TMEM63C: variants seen among roughly 807,000 people sequenced by gnomAD.
TMEM63C encodes the protein transmembrane protein 63C, also known as osmosensitive cation channel TMEM63C.
TMEM63C carries 32 observed loss-of-function variants against 99.2 expected under a neutral mutation model. That is an observed-to-expected ratio of 0.32 (90% confidence interval 0.24 to 0.43). TMEM63C has a LOEUF of 0.43. TMEM63C is among the 20% of genes least tolerant of loss of function. The pLI, the probability that TMEM63C is intolerant of heterozygous loss-of-function variation, is 1.00. For synonymous variants in TMEM63C, 376 were observed against 397.9 expected (o/e 0.94, Z 0.66); for missense variants, 826 against 1,053.0 (o/e 0.78, Z 2.98).
At chr14:77,239,791 T>C in intron 12 of TMEM63C, 65 bp downstream of exon 12, 1 of 1,580,620 alleles carries the variant, frequency 6.3e-7, no homozygotes, top group South Asian at 1.1e-5. Flanking sequence ...CTAGGCTCTG[T>C]GCCTTTGCCC....
chr14:77,235,153 C>T (rs184967649), intron 8 of TMEM63C, among the ~76,000 whole-genome samples: 6 of 152,088 alleles, frequency 3.9e-5, no homozygotes, highest in Non-Finnish European at 7.4e-5. Flanking sequence ...ACTCAATAAA[C>T]GTTCCCCCCA....
intron 6 of TMEM63C, among the ~76,000 whole-genome samples, chr14:77,230,931 G>A (rs1888927936): frequency 1.3e-5 from 2 of 152,154 alleles, no homozygotes; most frequent in South Asian, 4.1e-4. Flanking sequence ...TTTTATACAT[G>A]TCTCTAGGTA....
intron 21 of TMEM63C, 59 bp downstream of exon 21, chr14:77,249,517 C>T: frequency 6.4e-7 from 1 of 1,572,434 alleles, no homozygotes; most frequent in Non-Finnish European, 8.7e-7. Context: ...TCTGTGAGTC[C>T]CTTAACACTG....
chr14:77,239,750 C>A, intron 12 of TMEM63C, 24 bp downstream of exon 12: 1 of 1,610,994 alleles, frequency 6.2e-7, no homozygotes, highest in Non-Finnish European at 8.5e-7. Flanking sequence ...GCGTTGGGAG[C>A]ACAGCAAGGG....
intron 1 of TMEM63C, among the ~76,000 whole-genome samples, chr14:77,207,499 C>G (rs1888421855): frequency 6.6e-6 from 1 of 152,234 alleles, no homozygotes; most frequent in Non-Finnish European, 1.5e-5. Context: ...TGGAATTGGG[C>G]AAAGCTGCTC....
chr14:77,205,201 A>G (rs753926178), intron 1 of TMEM63C, among the ~76,000 whole-genome samples: 1 of 152,218 alleles, frequency 6.6e-6, no homozygotes, highest in Admixed American at 6.5e-5. Flanking sequence ...GAAGTTTGAC[A>G]TGATGAAGCC....
intron 21 of TMEM63C, among the ~76,000 whole-genome samples, 151 bp downstream of exon 21, chr14:77,249,609 A>G (rs888071805): frequency 1.3e-5 from 2 of 152,216 alleles, no homozygotes; most frequent in Non-Finnish European, 2.9e-5. Context: ...CTCTGGGCCT[A>G]AAGGGCCTAC....
intron 15 of TMEM63C, among the ~76,000 whole-genome samples, chr14:77,243,451 G>A (rs1467757756): frequency 6.6e-6 from 1 of 152,170 alleles, no homozygotes; most frequent in Non-Finnish European, 1.5e-5. Flanking sequence ...GAGGCAGCAG[G>A]CTCCTGGTTT....
At chr14:77,243,290 G>A (rs1889213227) in intron 15 of TMEM63C, among the ~76,000 whole-genome samples, 1 of 152,184 alleles carries the variant, frequency 6.6e-6, no homozygotes. Flanking sequence ...GGGAGAGTGG[G>A]GAGTCCACAG....
chr14:77,201,606 G>A (rs1888300924), intron 1 of TMEM63C, among the ~76,000 whole-genome samples: 1 of 152,234 alleles, frequency 6.6e-6, no homozygotes, highest in African/African-American at 2.4e-5. Flanking sequence ...GAGATTCTCA[G>A]GCGCTACCCA....
chr14:77,244,307 G>C lies in TMEM63C; in HGVS notation c.1342-42G>C, dbSNP rs1282432752. The C allele has an allele frequency of 4.2e-6, 6 of 1,425,256 alleles. 1 individual carries two copies. The South Asian group carries it at 7.0e-5, about 17-fold the overall frequency. 88.3% of individuals were successfully genotyped at this position (1,425,256 alleles called of 1,614,324 possible). ...AAGAAGCAAGGGGAAGAGGATGCTTGCATTGACGTCTCTCCTGCCGTCCTC... is the reference window on the plus strand; with the variant it reads ...AAGAAGCAAGGGGAAGAGGATGCTTCCATTGACGTCTCTCCTGCCGTCCTC... On this transcript the variant is annotated intron_variant, in intron 15 of 23. Coordinates refer to ENST00000298351, the MANE Select transcript of TMEM63C (RefSeq NM_020431.4).
In TMEM63C at chr14:77,217,890, C is replaced by T. The variant is rs527445936; in HGVS notation, c.-13-911C>T. On this transcript the variant is annotated intron_variant, in intron 2 of 23. Coordinates refer to ENST00000298351, the MANE Select transcript of TMEM63C (RefSeq NM_020431.4). ...ATTTGTGGGGGCAAAAAAATTAAAACAATTGAACTCATGGAGATAGAGAGT... is the reference window on the plus strand; with the variant it reads ...ATTTGTGGGGGCAAAAAAATTAAAATAATTGAACTCATGGAGATAGAGAGT... Among the ~76,000 whole-genome samples, 62 of 152,182 alleles carry T rather than the reference C, an allele frequency of 4.1e-4. No homozygotes were observed. In the Middle Eastern group the frequency reaches 0.01, roughly 25 times the overall value.
chr14:77,237,140 G>A (rs1366486789), intron 9 of TMEM63C, among the ~76,000 whole-genome samples: 9 of 151,824 alleles, frequency 5.9e-5, no homozygotes, highest in Middle Eastern at 3.4e-3. Flanking sequence ...CTGCTGCCCC[G>A]CCCCTCCCCA....
chr14:77,184,847 GAAGTATGGT>G (rs2140085431), intron 1 of TMEM63C, among the ~76,000 whole-genome samples: 1 of 152,302 alleles, frequency 6.6e-6, no homozygotes, highest in Non-Finnish European at 1.5e-5. Flanking sequence ...GGCAGCTCAC[GAAGTATGGT>G]GTGTCCTTGC....
intron 16 of TMEM63C, 87 bp downstream of exon 16, chr14:77,244,542 C>G (rs1254589537): frequency 9.7e-7 from 1 of 1,027,672 alleles, no homozygotes; most frequent in Non-Finnish European, 1.5e-6. Context: ...GCACTTGGGC[C>G]TCCCCTCTAG....
Position 77,249,284 on chromosome 14 carries a change from C to T in TMEM63C, c.1871-7C>T. 6.2e-7 allele frequency: 1 copy of T among 1,613,526 alleles called. No homozygotes were observed. Among genetic ancestry groups the T allele is most frequent in the Non-Finnish European group, 8.5e-7 (1 of 1,179,582 alleles). Reference sequence around the variant, plus strand: ...CCACTGAGTAAGTTTCCACCTTTGTCCCCCAGGGTTGCTCTACCTGTGCAT... The same window carrying T: ...CCACTGAGTAAGTTTCCACCTTTGTTCCCCAGGGTTGCTCTACCTGTGCAT... On this transcript the variant is annotated splice_region_variant and splice_polypyrimidine_tract_variant and intron_variant, in intron 20 of 23. Transcript: ENST00000298351.
intron 21 of TMEM63C, 27 bp from the exon 22 acceptor site, chr14:77,251,762 C>T (rs1889364018): frequency 6.3e-7 from 1 of 1,592,454 alleles, no homozygotes; most frequent in Non-Finnish European, 8.6e-7. Context: ...CAGACTCCTG[C>T]CCATGACTTT....
At chr14:77,219,629 T>G in intron 4 of TMEM63C, 52 bp downstream of exon 4, 1 of 1,589,138 alleles carries the variant, frequency 6.3e-7, no homozygotes. Context: ...GAAAACCTGT[T>G]GCCATGGCCA....
chr14:77,235,418 T>C (rs2540885), intron 8 of TMEM63C, among the ~76,000 whole-genome samples: 2,539 of 39,676 alleles, frequency 0.064, 358 homozygotes, highest in Admixed American at 0.14. Context: ...GAGACTGTGA[T>C]GGGTGGGGAA....
Sources: gnomAD v4.1 joint callset for allele counts (sites outside exome capture counted in the v4.1 genomes callset) on GRCh38, gnomAD v4.1.1 for gene constraint, MANE v1.5 for transcripts, NCBI Gene and HGNC (gene_info 2026-07-23, HGNC 2026-07-21) for gene names.